The following SLC35D2 variants were observed in gnomAD, a reference collection of about 807,000 sequenced individuals.
SLC35D2 encodes nucleotide sugar transporter SLC35D2.
SLC35D2 carries 43 observed loss-of-function variants against 41.8 expected under a neutral mutation model. That is an observed-to-expected ratio of 1.03 (90% CI 0.81 to 1.33). The LOEUF is 1.33. Ranked by LOEUF, SLC35D2 falls within the 40% of genes most tolerant of loss-of-function variation. The probability of loss-of-function intolerance (pLI) is 0.00; values close to 1 mark genes in which losing one functional copy is unlikely to be tolerated. For missense variants in SLC35D2, 380 were observed against 408.4 expected (o/e 0.93, Z 0.60); for synonymous variants, 150 against 163.9 (o/e 0.92, Z 0.65).
At chr9:96,356,370 GCTTT>G (rs750431735) in intron 4 of SLC35D2, among the ~76,000 whole-genome samples, 1 of 149,072 alleles carries the variant, frequency 6.7e-6, no homozygotes, top group African/African-American at 2.5e-5. Context: ...ATCTTAGCTG[GCTTT>G]ATTTATTCTT....
At chr9:96,318,280 C>A (rs1828106730), downstream of SLC35D2, among the ~76,000 whole-genome samples, 2 of 151,854 alleles carry the variant, frequency 1.3e-5, no homozygotes, top group Non-Finnish European at 2.9e-5. Flanking sequence ...GGCAACAGGG[C>A]AAGAGTCTGT....
intron 2 of SLC35D2, among the ~76,000 whole-genome samples, chr9:96,364,924 C>T (rs899068462): frequency 1.3e-5 from 2 of 150,910 alleles, no homozygotes; most frequent in Non-Finnish European, 2.9e-5. Flanking sequence ...TGGTGGCAGA[C>T]GCAGAATCCC....
chr9:96,327,029 G>C (rs1175851393), intron 9 of SLC35D2, among the ~76,000 whole-genome samples: 2 of 152,214 alleles, frequency 1.3e-5, no homozygotes, highest in Admixed American at 1.3e-4. Context: ...CTCAGACCCA[G>C]ATCAGAGGAG....
rs1829454134 is a variant in SLC35D2, at chr9:96,343,960, A to C, written c.628T>G (p.Cys210Gly). ...GKYGVLFYNACFMIIPTLIIS... is the reference protein window; with the variant it reads ...GKYGVLFYNAGFMIIPTLIIS... ...ATAAGAGTTGGGATAATCATGAAGC[A>C]GGCATTGTAGAAAAGTACTCCGTAT... Residue 210 changes from cysteine (C) to glycine (G), a missense_variant, in exon 8 of 12, where the codon TGC (cysteine) becomes GGC (glycine). Coordinates refer to ENST00000253270, the MANE Select transcript of SLC35D2 (RefSeq NM_007001.3). The C allele has an allele frequency of 1.2e-6, 2 of 1,602,396 alleles. No individual in the cohort carries two copies. The highest frequency in any genetic ancestry group is 2.7e-5 in the African/African-American group (2 of 74,200).
intron 3 of SLC35D2, among the ~76,000 whole-genome samples, chr9:96,361,364 C>A (rs1463346405): frequency 1.3e-5 from 2 of 152,140 alleles, no homozygotes. Flanking sequence ...AGTGGTACAG[C>A]CCTAGCCCAA....
At chr9:96,349,103 T>C (rs1424127116) in intron 6 of SLC35D2, among the ~76,000 whole-genome samples, 1 of 152,136 alleles carries the variant, frequency 6.6e-6, no homozygotes, top group Non-Finnish European at 1.5e-5. Flanking sequence ...TGGAAAGCCT[T>C]TGAAGGGCAG....
chr9:96,352,230 A>T (rs191837421), intron 4 of SLC35D2, 121 bp from the exon 5 acceptor site: 1 of 565,646 alleles, frequency 1.8e-6, no homozygotes, highest in Admixed American at 3.2e-5. Flanking sequence ...CACATTTACC[A>T]TTAACAAATC....
chr9:96,363,581 C>A (rs142441637), intron 3 of SLC35D2, among the ~76,000 whole-genome samples: 1 of 152,154 alleles, frequency 6.6e-6, no homozygotes, highest in Non-Finnish European at 1.5e-5. Flanking sequence ...CCACAGTCCA[C>A]GAAGGAATGG....
chr9:96,337,130 C>A (rs34572702), intron 8 of SLC35D2, among the ~76,000 whole-genome samples: 3,998 of 152,330 alleles, frequency 0.026, 79 homozygotes, highest in Middle Eastern at 0.054. Flanking sequence ...CTTTATACAC[C>A]TTTACTAATT....
intron 3 of SLC35D2, among the ~76,000 whole-genome samples, chr9:96,363,469 A>G (rs895317159): frequency 2.6e-5 from 4 of 152,242 alleles, no homozygotes; most frequent in East Asian, 1.9e-4. Flanking sequence ...AAATGCTGTC[A>G]TAATCCATAA....
At chr9:96,368,823 G>A (rs548615978) in intron 1 of SLC35D2, among the ~76,000 whole-genome samples, 16 of 151,780 alleles carry the variant, frequency 1.1e-4, no homozygotes, top group South Asian at 2.1e-4. Context: ...GGAGTGCAGT[G>A]GCACGATCTC....
chr9:96,340,078 C>T (rs1469323105), intron 8 of SLC35D2, among the ~76,000 whole-genome samples: 4 of 152,186 alleles, frequency 2.6e-5, no homozygotes, highest in Non-Finnish European at 5.9e-5. Context: ...ATATTACAGG[C>T]TAACACACCT....
chr9:96,380,765 G>A lies in SLC35D2; in HGVS notation c.158+2712C>T, dbSNP rs559069578. ...TGGGATTACAGGTGTGAGCCACCGC[G>A]CCCGGCCTTTTTTTTTTATCCTAAG... On this transcript the variant is annotated intron_variant, in intron 1 of 11. Transcript: ENST00000253270. Among the ~76,000 whole-genome samples the A allele has an allele frequency of 1.9e-4, 29 of 151,984 alleles. No individual in the cohort carries two copies. The South Asian group carries it at 4.4e-3, about 23-fold the overall frequency.
intron 7 of SLC35D2, among the ~76,000 whole-genome samples, chr9:96,344,723 A>AGG (rs557137821): frequency 0.41 from 11,986 of 29,192 alleles, 1,421 homozygotes; most frequent in African/African-American, 0.45. Context: ...GGGGTGGGGG[A>AGG]GGGATGGGGG....
chr9:96,319,567 G>A (rs1260295557), downstream of SLC35D2, among the ~76,000 whole-genome samples: 1 of 152,018 alleles, frequency 6.6e-6, no homozygotes, highest in Non-Finnish European at 1.5e-5. Flanking sequence ...GTGTAGTGGC[G>A]TGACCACAGC....
At chr9:96,345,427 A>AT (rs1300141646) in intron 6 of SLC35D2, 26 bp from the exon 7 acceptor site, 1 of 1,342,406 alleles carries the variant, frequency 7.4e-7, no homozygotes, top group Non-Finnish European at 1.1e-6. Flanking sequence ...CAAAGGGAGA[A>AT]TGATTACTCA....
At chr9:96,349,750 TC>T (rs1201404163) in intron 6 of SLC35D2, among the ~76,000 whole-genome samples, 1 of 152,134 alleles carries the variant, frequency 6.6e-6, no homozygotes, top group East Asian at 1.9e-4. Flanking sequence ...GGTCTCTAAC[TC>T]CTGACTTCAG....
chr9:96,328,168 T>G (rs1169167230), intron 9 of SLC35D2, among the ~76,000 whole-genome samples: 1 of 152,252 alleles, frequency 6.6e-6, no homozygotes, highest in Non-Finnish European at 1.5e-5. Flanking sequence ...CTAGCTTTGA[T>G]TTTACTATCT....
At chr9:96,354,766 CAAA>C (rs59013884) in intron 4 of SLC35D2, among the ~76,000 whole-genome samples, 2 of 46,712 alleles carry the variant, frequency 4.3e-5, no homozygotes, top group Non-Finnish European at 8.8e-5. Context: ...GACTCCATCT[CAAA>C]AAAAAAAAAA....
Sources: gnomAD v4.1 joint callset for allele counts (sites outside exome capture counted in the v4.1 genomes callset) on GRCh38, gnomAD v4.1.1 for gene constraint, MANE v1.5 for transcripts, NCBI Gene and HGNC (gene_info 2026-07-23, HGNC 2026-07-21) for gene names.